Variants in UBE2E2 observed in about 807,000 individuals in gnomAD.
The protein encoded by UBE2E2 is ubiquitin-conjugating enzyme E2 E2.
Under a neutral mutation model 24.7 loss-of-function variants are expected in UBE2E2, and 6 were observed. The observed-to-expected ratio is 0.24, with a 90% CI of 0.13 to 0.48. The LOEUF is 0.48. UBE2E2 is among the 20% of genes least tolerant of loss of function. The pLI is 0.99. For missense variants in UBE2E2, 169 were observed against 245.0 expected (o/e 0.69, Z 2.07); for synonymous variants, 104 against 83.6 (o/e 1.24, Z -1.33).
intron 4 of UBE2E2, among the ~76,000 whole-genome samples, chr3:23,506,514 A>T (rs1694460141): frequency 6.6e-6 from 1 of 152,096 alleles, no homozygotes; most frequent in South Asian, 2.1e-4. Flanking sequence ...TAGAATCCAA[A>T]CATTTCTCAC....
intron 3 of UBE2E2, among the ~76,000 whole-genome samples, chr3:23,453,724 A>G (rs1299451475): frequency 6.6e-6 from 1 of 152,322 alleles, no homozygotes; most frequent in East Asian, 1.9e-4. Flanking sequence ...GTCATTATAG[A>G]TTTTCCTAAC....
At chr3:23,371,426 T>C (rs1384691574) in intron 3 of UBE2E2, among the ~76,000 whole-genome samples, 2 of 152,198 alleles carry the variant, frequency 1.3e-5, no homozygotes, top group East Asian at 3.8e-4. Flanking sequence ...GTGTCACTGA[T>C]TGGTTCTTTA....
At chr3:23,489,669 G>A (rs991663972) in intron 3 of UBE2E2, among the ~76,000 whole-genome samples, 9 of 152,156 alleles carry the variant, frequency 5.9e-5, no homozygotes, top group Admixed American at 5.2e-4. Flanking sequence ...AATGGGGAGA[G>A]CCTGTAAATA....
chr3:23,519,363 C>A (rs1263849187), intron 4 of UBE2E2, among the ~76,000 whole-genome samples: 1 of 151,908 alleles, frequency 6.6e-6, no homozygotes, highest in African/African-American at 2.4e-5. Flanking sequence ...GTTATAAAAC[C>A]AACTAAAACT....
At chr3:23,210,432 T>TA (rs1696287872) in intron 2 of UBE2E2, among the ~76,000 whole-genome samples, 1 of 152,220 alleles carries the variant, frequency 6.6e-6, no homozygotes, top group South Asian at 2.1e-4. Flanking sequence ...CACTATAAAA[T>TA]ACCTTAAAAT....
chr3:23,311,292 A>T (rs975850597), intron 3 of UBE2E2, among the ~76,000 whole-genome samples: 1 of 152,160 alleles, frequency 6.6e-6, no homozygotes, highest in South Asian at 2.1e-4. Context: ...AGTCTTTGCT[A>T]TTGTGAATAG....
chr3:23,245,751 G>A (rs1697377201), intron 3 of UBE2E2, among the ~76,000 whole-genome samples: 1 of 152,090 alleles, frequency 6.6e-6, no homozygotes, highest in South Asian at 2.1e-4. Flanking sequence ...TGTTATCTTA[G>A]CATCTTAAAC....
At chr3:23,375,799 T>C (rs1167583338) in intron 3 of UBE2E2, among the ~76,000 whole-genome samples, 1 of 152,176 alleles carries the variant, frequency 6.6e-6, no homozygotes, top group East Asian at 1.9e-4. Context: ...CCTTAACAAG[T>C]GCAGATACAT....
chr3:23,350,355 C>G (rs935779111), intron 3 of UBE2E2, among the ~76,000 whole-genome samples: 1 of 152,216 alleles, frequency 6.6e-6, no homozygotes, highest in Non-Finnish European at 1.5e-5. Context: ...GAACGCAGTT[C>G]CTCACCAGCA....
At chr3:23,525,461 G>C (rs1021354634) in intron 4 of UBE2E2, among the ~76,000 whole-genome samples, 3 of 152,038 alleles carry the variant, frequency 2.0e-5, no homozygotes, top group African/African-American at 7.2e-5. Context: ...TTTCTATATC[G>C]CTATATCCAA....
At chr3:23,370,169 A>AT (rs1696366416) in intron 3 of UBE2E2, among the ~76,000 whole-genome samples, 1 of 151,884 alleles carries the variant, frequency 6.6e-6, no homozygotes, top group South Asian at 2.1e-4. Context: ...TGCTTCTTTA[A>AT]TTTTTTTTCT....
intron 3 of UBE2E2, among the ~76,000 whole-genome samples, chr3:23,279,048 A>G (rs1057368480): frequency 3.5e-4 from 54 of 152,166 alleles, no homozygotes; most frequent in African/African-American, 1.2e-3. Flanking sequence ...GTCATCGTGT[A>G]ATGTTTTAAA....
chr3:23,429,498 A>G (rs897677619), intron 3 of UBE2E2, among the ~76,000 whole-genome samples: 2 of 152,232 alleles, frequency 1.3e-5, no homozygotes, highest in Non-Finnish European at 2.9e-5. Context: ...TTTAATTAAT[A>G]TAATTCATCC....
chr3:23,433,616 C>T (rs1698116004), intron 3 of UBE2E2, among the ~76,000 whole-genome samples: 1 of 151,330 alleles, frequency 6.6e-6, no homozygotes, highest in African/African-American at 2.4e-5. Flanking sequence ...GTTGAAAATG[C>T]ATTAAAGGAT....
At chr3:23,485,876 C>G (rs1441254613) in intron 3 of UBE2E2, among the ~76,000 whole-genome samples, 1 of 152,184 alleles carries the variant, frequency 6.6e-6, no homozygotes. Context: ...TAAAGAGAAA[C>G]TCTTACTGTT....
Position 23,340,510 on chromosome 3 carries a change from GCTTAACT to G in UBE2E2, c.227+123199_227+123205del, listed in dbSNP as rs542517403. On this transcript the variant is annotated intron_variant, in intron 3 of 5. Transcript: ENST00000396703. ...CACACCTAATCCTTTAAATAAATGTGCTTAACTACACTAAAATACATGTTTTAAAATG... is the reference window on the plus strand; with the variant it reads ...CACACCTAATCCTTTAAATAAATGTGACACTAAAATACATGTTTTAAAATG... 1.0e-3 allele frequency among the ~76,000 whole-genome samples: 155 copies of G among 152,132 alleles called. 2 individuals carry two copies. In the South Asian group the frequency reaches 0.031, roughly 31 times the overall value.
chr3:23,520,411 A>T (rs2125474248), intron 4 of UBE2E2, among the ~76,000 whole-genome samples: 1 of 152,354 alleles, frequency 6.6e-6, no homozygotes, highest in South Asian at 2.1e-4. Context: ...TACTGTTTAT[A>T]CATGTGGTAT....
intron 3 of UBE2E2, among the ~76,000 whole-genome samples, chr3:23,223,214 A>T (rs1489063376): frequency 3.8e-5 from 5 of 131,512 alleles, no homozygotes; most frequent in African/African-American, 5.8e-5. Context: ...TTTTTTTGAG[A>T]TGGAGACTCA....
chr3:23,518,053 A>G (rs1027317125), intron 4 of UBE2E2, among the ~76,000 whole-genome samples: 1 of 151,784 alleles, frequency 6.6e-6, no homozygotes, highest in Non-Finnish European at 1.5e-5. Context: ...CCTTGTTTCT[A>G]TCAGATACAT....
Sources: allele counts gnomAD v4.1 joint callset (sites outside exome capture counted in the v4.1 genomes callset), GRCh38; gene constraint gnomAD v4.1.1; transcripts MANE v1.5; gene names NCBI Gene and HGNC (gene_info 2026-07-23, HGNC 2026-07-21).